The following GPHN variants were observed in gnomAD, a reference collection of about 807,000 sequenced individuals.
GPHN encodes gephyrin.
In GPHN, 17 loss-of-function variants were observed where a neutral mutation model predicts 95.5. The observed-to-expected ratio is 0.18, with a 90% CI of 0.12 to 0.27. GPHN has a LOEUF of 0.27. Among genes scored for constraint, GPHN ranks in the 10% least tolerant of loss-of-function variants. GPHN has a pLI of 1.00. For missense variants in GPHN, 660 were observed against 978.1 expected (o/e 0.67, Z 4.34); for synonymous variants, 320 against 322.5 (o/e 0.99, Z 0.08).
the GPHN span, chr14:67,198,258 T>C: frequency 6.2e-7 from 1 of 1,613,908 alleles, no homozygotes. Context: ...TCAAAATATG[T>C]TGGATGGAGG....
At chr14:66,931,445 T>G (rs1173586651) in intron 8 of GPHN, among the ~76,000 whole-genome samples, 1 of 152,092 alleles carries the variant, frequency 6.6e-6, no homozygotes, top group African/African-American at 2.4e-5. Context: ...CTTTCTACCC[T>G]GATCTCAGTC....
chr14:67,630,988 G>T, the GPHN span, among the ~76,000 whole-genome samples: 8 of 152,202 alleles, frequency 5.3e-5, no homozygotes, highest in African/African-American at 1.9e-4. Context: ...ACTAACACTC[G>T]GCAGTGCCCT....
chr14:67,519,607 A>G, the GPHN span, among the ~76,000 whole-genome samples: 1 of 152,220 alleles, frequency 6.6e-6, no homozygotes, highest in Non-Finnish European at 1.5e-5. Flanking sequence ...GACTGTTACT[A>G]CAAGAAGGGA....
the GPHN span, among the ~76,000 whole-genome samples, chr14:67,276,798 C>G: frequency 6.6e-6 from 1 of 152,156 alleles, no homozygotes; most frequent in Non-Finnish European, 1.5e-5. Flanking sequence ...GTAAATAGTA[C>G]AAGCATGAGA....
intron 9 of GPHN, among the ~76,000 whole-genome samples, chr14:67,009,410 T>TA (rs1014210091): frequency 6.6e-6 from 1 of 152,136 alleles, no homozygotes; most frequent in African/African-American, 2.4e-5. Flanking sequence ...TTTCTAACTG[T>TA]AAAAATTTTA....
the GPHN span, among the ~76,000 whole-genome samples, chr14:67,368,334 A>G: frequency 7.9e-5 from 12 of 152,138 alleles, no homozygotes; most frequent in Non-Finnish European, 2.9e-5. Context: ...GTATGAGTTT[A>G]TGGGCTCCAG....
chr14:67,379,654 C>CTTTTTCTTTT, the GPHN span, among the ~76,000 whole-genome samples: 3 of 119,950 alleles, frequency 2.5e-5, no homozygotes, highest in South Asian at 5.9e-4. Flanking sequence ...TTTTCTTTTT[C>CTTTTTCTTTT]TTTTTTTTTT....
the GPHN span, among the ~76,000 whole-genome samples, chr14:67,711,077 G>A: frequency 6.6e-6 from 1 of 152,164 alleles, no homozygotes; most frequent in Non-Finnish European, 1.5e-5. Flanking sequence ...GAGGAACTTA[G>A]TTTATAGTTT....
intron 1 of GPHN, among the ~76,000 whole-genome samples, chr14:66,544,304 A>G (rs2059454389): frequency 6.6e-6 from 1 of 152,102 alleles, no homozygotes; most frequent in Non-Finnish European, 1.5e-5. Flanking sequence ...CTTTTCACAT[A>G]CACCCTTCCC....
intron 2 of GPHN, among the ~76,000 whole-genome samples, chr14:66,705,545 A>G (rs543629373): frequency 1.3e-5 from 2 of 152,348 alleles, no homozygotes; most frequent in East Asian, 3.9e-4. Context: ...CATCACATAA[A>G]CAGAACCAAA....
chr14:67,064,311 G>A (rs752259123), intron 11 of GPHN, among the ~76,000 whole-genome samples: 4 of 152,154 alleles, frequency 2.6e-5, no homozygotes, highest in East Asian at 1.9e-4. Flanking sequence ...TAAGCTTTTC[G>A]ATGGGCTGCC....
chr14:67,486,522 C>T, the GPHN span, among the ~76,000 whole-genome samples: 4 of 152,150 alleles, frequency 2.6e-5, no homozygotes, highest in African/African-American at 9.6e-5. Context: ...ATCCACCCAC[C>T]TCGGCCTCCC....
the GPHN span, among the ~76,000 whole-genome samples, chr14:67,245,627 C>T: frequency 0.024 from 3,645 of 152,114 alleles, 70 homozygotes; most frequent in Non-Finnish European, 0.036. Context: ...GGTGGGATAA[C>T]ACGCATGAGC....
In GPHN at chr14:66,801,185, G is replaced by A. The variant is rs2060334923; in HGVS notation, c.202-23289G>A. 1.3e-5 allele frequency among the ~76,000 whole-genome samples: 2 copies of A among 151,846 alleles called. 1 individual carries two copies. Among genetic ancestry groups the A allele is most frequent in the South Asian group, 4.2e-4 (2 of 4,794 alleles). ...GTGGCCACATATCTCTGTTTTTCCA[G>A]GTTTGGACCCTGGTGCCTTATTTAG... On this transcript the variant is annotated intron_variant, in intron 3 of 22. Coordinates refer to ENST00000478722, the MANE Select transcript of GPHN (RefSeq NM_020806.5).
the GPHN span, among the ~76,000 whole-genome samples, chr14:67,506,791 C>G: frequency 2.0e-5 from 3 of 152,182 alleles, no homozygotes; most frequent in African/African-American, 7.2e-5. Flanking sequence ...CGAGACCATC[C>G]TGGCCAACGT....
intron 13 of GPHN, among the ~76,000 whole-genome samples, chr14:67,106,594 GCTCT>G (rs1166118163): frequency 6.6e-6 from 1 of 152,022 alleles, no homozygotes; most frequent in Non-Finnish European, 1.5e-5. Context: ...TGCTATTGAA[GCTCT>G]CTATTGTAAT....
chr14:67,348,933 A>C, the GPHN span: 8 of 1,071,496 alleles, frequency 7.5e-6, no homozygotes, highest in South Asian at 1.0e-4. Context: ...TGTTCTAAGT[A>C]GAAGGAAGAA....
At chr14:67,049,181 A>AT (rs1320124868) in intron 10 of GPHN, among the ~76,000 whole-genome samples, 1 of 151,684 alleles carries the variant, frequency 6.6e-6, no homozygotes, top group Non-Finnish European at 1.5e-5. Flanking sequence ...AACAATCAAC[A>AT]TTTTTTGGTC....
At chr14:67,313,189 T>A in the GPHN span, among the ~76,000 whole-genome samples, 1 of 152,178 alleles carries the variant, frequency 6.6e-6, no homozygotes, top group Non-Finnish European at 1.5e-5. Flanking sequence ...TAACTTAGAC[T>A]AAACTAAAAC....
Sources: allele counts gnomAD v4.1 joint callset (sites outside exome capture counted in the v4.1 genomes callset), GRCh38; gene constraint gnomAD v4.1.1; transcripts MANE v1.5; gene names NCBI Gene and HGNC (gene_info 2026-07-23, HGNC 2026-07-21).